The following HR variants were observed in gnomAD, a reference collection of about 807,000 sequenced individuals.
The protein encoded by HR is HR lysine demethylase and nuclear receptor corepressor.
HR carries 83 observed loss-of-function variants against 128.6 expected under a neutral mutation model. That is an observed-to-expected ratio of 0.65 (90% CI 0.54 to 0.77). HR has a LOEUF of 0.77. HR is among the 30% of genes least tolerant of loss of function. The pLI is 0.00. For synonymous variants in HR, 681 were observed against 658.2 expected, an observed-to-expected ratio of 1.03 and a Z score of -0.53; for missense variants, 1,490 against 1,574.6, an observed-to-expected ratio of 0.95 and a Z score of 0.91.
chr8:22,120,024 G>T, intron 13 of HR, 80 bp downstream of exon 13: 1 of 1,565,582 alleles, frequency 6.4e-7, no homozygotes, highest in African/African-American at 1.3e-5. Context: ...GGGGTTGGGG[G>T]CAGAGGAGGA....
intron 2 of HR, 155 bp from the exon 3 acceptor site, chr8:22,127,984 T>C (rs1826945283): frequency 1.3e-6 from 1 of 787,480 alleles, no homozygotes; most frequent in Admixed American, 2.0e-5. Context: ...GGAGTGCCTC[T>C]GACACTGTCC....
intron 12 of HR, 67 bp from the exon 13 acceptor site, chr8:22,120,240 C>A (rs1826703467): frequency 1.2e-6 from 2 of 1,604,352 alleles, no homozygotes; most frequent in South Asian, 2.2e-5. Context: ...GCGGCAGCAA[C>A]ACCTGCTTCC....
Position 22,120,817 on chromosome 8 carries a change from G to T in HR, c.2509C>A (p.Pro837Thr). The T allele has an allele frequency of 6.5e-7, 1 of 1,548,624 alleles. No homozygotes were observed. Among genetic ancestry groups the T allele is most frequent in the Non-Finnish European group, 8.7e-7 (1 of 1,145,338 alleles). The change falls in exon 11 of 19, where the codon CCC (proline) becomes ACC (threonine). Residue 837 changes from proline (P) to threonine (T), a missense_variant. This residue lies in a region of HR where 423 missense variants were observed against 495.9 expected (regional missense o/e 0.85). Transcript: ENST00000381418. ...AAAGCCCCTGGGGGAGGCAGCCGGGGCCGCACTGGAGAGAGGGGCAGGCCC... is the reference window on the plus strand; with the variant it reads ...AAAGCCCCTGGGGGAGGCAGCCGGGTCCGCACTGGAGAGAGGGGCAGGCCC... ...GLGLPLSPVRPRLPPPGALLW... is the reference protein window; with the variant it reads ...GLGLPLSPVRTRLPPPGALLW...
chr8:22,119,478 A>G (rs1158850537), intron 14 of HR, among the ~76,000 whole-genome samples, 195 bp from the exon 15 acceptor site: 4 of 152,222 alleles, frequency 2.6e-5, no homozygotes, highest in African/African-American at 9.6e-5. Flanking sequence ...GTGGTGGTGC[A>G]TGCCTGTAAT....
intron 3 of HR, among the ~76,000 whole-genome samples, chr8:22,126,775 C>G (rs1458329700): frequency 6.6e-6 from 1 of 152,240 alleles, no homozygotes; most frequent in African/African-American, 2.4e-5. Flanking sequence ...GGCACTCTGG[C>G]TCCAGAGCCA....
At chr8:22,123,619 C>CA in intron 6 of HR, 30 bp downstream of exon 6, 3 of 229,354 alleles carry the variant, frequency 1.3e-5, no homozygotes, top group Non-Finnish European at 2.6e-5. Context: ...GGGCTCCATC[C>CA]CGCCCTCCCA....
At chr8:22,122,698 G>A in intron 7 of HR, 90 bp from the exon 8 acceptor site, 1 of 1,478,238 alleles carries the variant, frequency 6.8e-7, no homozygotes, top group Non-Finnish European at 9.3e-7. Flanking sequence ...CAAGCAGAAG[G>A]GCATGGCACT....
rs757418570 is a variant in HR at position 22,119,174 on chromosome 8, C to A, written c.3087G>T (p.Arg1029=). ...TGGCCGAGGACCTACCTTTCTGTGC[C>A]CGGTGCCAGGCAGGCAGTGGTGTGT... ...HADTPLPAWH[R]AQKDFLSGLD... is the part of the protein sequence containing the mutation. The change falls in exon 15 of 19, where the codon CGG becomes CGT. Residue 1029 remains arginine (R), a synonymous_variant. Transcript: ENST00000381418. 2.9e-5 allele frequency: 46 copies of A among 1,613,718 alleles called. No individual in the cohort carries two copies. The highest frequency in any genetic ancestry group is 3.3e-5 in the Non-Finnish European group (39 of 1,180,036).
At position 22,129,065 on chromosome 8, in the gene HR, G is replaced by A; in HGVS notation, c.106C>T (p.Leu36=). The A allele has an allele frequency of 1.3e-6, 2 of 1,587,344 alleles. No individual in the cohort carries two copies. Among genetic ancestry groups the A allele is most frequent in the East Asian group, 2.2e-5 (1 of 44,598 alleles). The stretch of plus-strand genomic sequence containing the variant: ...CCCAGGCACAGCGGCCCATGGTGCA[G>A]TCCATCTCGAGGCGGGCTGCCGGGC... The part of the protein sequence containing the change: ...QEPGSPPRDG[L]HHGPLCLGEP... Residue 36 remains leucine (L), a synonymous_variant, in exon 2 of 19, where the codon CTG becomes TTG. Coordinates refer to ENST00000381418, the MANE Select transcript of HR (RefSeq NM_005144.5).
Position 22,117,018 on chromosome 8 carries a change from C to T in HR, c.3235G>A (p.Ala1079Thr), listed in dbSNP as rs367769568. The change falls in exon 17 of 19, where the codon GCC (alanine) becomes ACC (threonine). Residue 1079 changes from alanine to threonine, a missense_variant. By Grantham distance (58) the Ala-to-Thr change is moderately conservative. This residue lies in a region of HR where 423 missense variants were observed against 495.9 expected (regional missense o/e 0.85). Coordinates refer to ENST00000381418, the MANE Select transcript of HR (RefSeq NM_005144.5). Reference sequence around the variant, plus strand: ...CTGCCTGGGGCGCCAGGCTCCAGGGCGCCTGCCCCGGCCGGGCACACCTCA... The same window carrying T: ...CTGCCTGGGGCGCCAGGCTCCAGGGTGCCTGCCCCGGCCGGGCACACCTCA... Reference protein sequence around the residue: ...LQMVCPAGAGALEPGAPGSCY... With the variant: ...LQMVCPAGAGTLEPGAPGSCY... 4.2e-5 allele frequency: 64 copies of T among 1,514,352 alleles called. No homozygotes were observed. Among genetic ancestry groups the T allele is most frequent in the African/African-American group, 2.1e-4 (15 of 72,716 alleles). The allele number at this position is 1,514,352 out of a possible 1,614,324, so 93.8% of individuals were successfully genotyped here.
rs528816582 is a variant in HR, at chr8:22,116,245, G to T, written c.3507+55C>A. 1 of 1,610,266 alleles carries T rather than the reference G, an allele frequency of 6.2e-7. No homozygotes were observed. Among genetic ancestry groups the T allele is most frequent in the East Asian group, 2.2e-5 (1 of 44,852 alleles). ...CTATGTCCACTGCAGCTGTGGCACA[G>T]GGAGGTGGGAGGCTTGGGTAGCACA... is the stretch of plus-strand genomic sequence containing the variant. On this transcript the variant is annotated intron_variant, in intron 18 of 18. Coordinates refer to ENST00000381418, the MANE Select transcript of HR (RefSeq NM_005144.5). This position sits in a 1 kb window ranked among gnomAD's most constrained non-coding sequence, Gnocchi z 4.2.
At position 22,114,447 on chromosome 8, in the gene HR, A is replaced by G. The variant is rs556731235; in HGVS notation, c.*1253T>C. On this transcript the variant is annotated 3_prime_UTR_variant, in exon 19 of 19. Coordinates refer to ENST00000381418, the MANE Select transcript of HR (RefSeq NM_005144.5). ...CCCTTATAATAAAAAACTTTATTTAATAAAAAAAATTCCCCAAACCACAGC... is the reference window on the plus strand; with the variant it reads ...CCCTTATAATAAAAAACTTTATTTAGTAAAAAAAATTCCCCAAACCACAGC... 17 of 148,236 alleles carry G rather than the reference A, an allele frequency of 1.1e-4. No homozygotes were observed. The highest frequency in any genetic ancestry group is 2.4e-4 in the Non-Finnish European group (16 of 66,766). 9.2% of individuals were successfully genotyped at this position (148,236 alleles called of 1,614,324 possible).
chr8:22,121,830 A>G, intron 8 of HR, 136 bp from the exon 9 acceptor site: 1 of 852,292 alleles, frequency 1.2e-6, no homozygotes, highest in South Asian at 1.4e-5. Flanking sequence ...AAAATGCCAT[A>G]GGATATAACA....
intron 5 of HR, 65 bp from the exon 6 acceptor site, chr8:22,123,878 G>A (rs547195488): frequency 3.6e-5 from 55 of 1,524,694 alleles, no homozygotes; most frequent in East Asian, 2.6e-4. Flanking sequence ...AAGGCTTCAC[G>A]TGGGAAGGAT....
intron 7 of HR, 37 bp downstream of exon 7, chr8:22,122,753 C>T: frequency 6.5e-7 from 1 of 1,539,902 alleles, no homozygotes; most frequent in Non-Finnish European, 8.8e-7. Context: ...CCTCAGGACC[C>T]AACCTCTGCA....
In HR at chr8:22,122,620, G is replaced by A; in HGVS notation, c.2006-12C>T. The A allele has an allele frequency of 3.8e-6, 6 of 1,598,410 alleles. No homozygotes were observed. Among genetic ancestry groups the A allele is most frequent in the Non-Finnish European group, 5.1e-6 (6 of 1,170,010 alleles). On this transcript the variant is annotated splice_polypyrimidine_tract_variant and intron_variant, in intron 7 of 18. Coordinates refer to ENST00000381418, the MANE Select transcript of HR (RefSeq NM_005144.5). ...CAGCTCTGCCAAAGCTGGGGGTGGG[G>A]GTGGGCAGGAGAGGGAGGTTGGTGG... is the stretch of plus-strand genomic sequence containing the variant.
rs201611159 is a variant in HR, at chr8:22,121,594, G to A, written c.2203+19C>T. On this transcript the variant is annotated intron_variant, in intron 9 of 18. Transcript: ENST00000381418. ...AGCCTCCCTCTTGCACAGGCCGAGG[G>A]GCAAGAGGAGCCGCTCACCCTCTTT... 1.7e-5 allele frequency: 27 copies of A among 1,612,478 alleles called. No individual in the cohort carries two copies. Among genetic ancestry groups the A allele is most frequent in the Non-Finnish European group, 2.2e-5 (26 of 1,178,886 alleles).
rs1338645801 is a variant in HR, at chr8:22,121,243, G to T, written c.2204-15C>A. 2 of 1,612,786 alleles carry T rather than the reference G, an allele frequency of 1.2e-6. No homozygotes were observed. The highest frequency in any genetic ancestry group is 2.2e-5 in the East Asian group (1 of 44,870). On this transcript the variant is annotated splice_polypyrimidine_tract_variant and intron_variant, in intron 9 of 18. Coordinates refer to ENST00000381418, the MANE Select transcript of HR (RefSeq NM_005144.5). The stretch of plus-strand genomic sequence containing the variant: ...ATCGGGGGTCTCTGTCAGGGAGGAA[G>T]ATGGTGGGGGGCTTCGCGTTTGGTC...
At chr8:22,122,463 A>G (rs1423113792) in intron 8 of HR, 30 bp downstream of exon 8, 7 of 1,527,080 alleles carry the variant, frequency 4.6e-6, no homozygotes, top group Non-Finnish European at 6.3e-6. Flanking sequence ...CAGGCACGAT[A>G]CCCAACCGGT....
Sources: allele counts gnomAD v4.1 joint callset (sites outside exome capture counted in the v4.1 genomes callset), GRCh38; gene constraint gnomAD v4.1.1; regional missense constraint gnomAD v4.1.1; non-coding constraint Gnocchi (gnomAD v3.1); transcripts MANE v1.5; gene names NCBI Gene and HGNC (gene_info 2026-07-23, HGNC 2026-07-21).